The following TMEM131 variants were observed in gnomAD, a reference collection of about 807,000 sequenced individuals.
The protein encoded by TMEM131 is 2610524E03Rik.
In TMEM131, 66 loss-of-function variants were observed where a neutral mutation model predicts 211.6. The observed-to-expected ratio is 0.31, with a 90% CI of 0.26 to 0.38. The LOEUF is 0.38. TMEM131 is among the 10% of genes least tolerant of loss of function. The probability of loss-of-function intolerance (pLI) is 1.00; values close to 1 mark genes in which losing one functional copy is unlikely to be tolerated. For missense variants in TMEM131, 2,036 were observed against 2,299.3 expected (o/e 0.89, Z 2.34); for synonymous variants, 844 against 841.3 (o/e 1.00, Z -0.06).
rs910970224 is a variant in TMEM131 at position 97,995,942 on chromosome 2, C to A, written c.-280G>T. 5.4e-6 allele frequency: 1 copy of A among 186,736 alleles called. No homozygotes were observed. The highest frequency in any genetic ancestry group is 1.1e-5 in the Non-Finnish European group (1 of 91,118). The allele number at this position is 186,736 out of a possible 1,614,324, so 11.6% of individuals were successfully genotyped here. On this transcript the variant is annotated 5_prime_UTR_variant, in exon 1 of 41. Transcript: ENST00000186436. The stretch of plus-strand genomic sequence containing the variant: ...GGCCATACTGGAAACGGGCACGGCC[C>A]GCGAGCCCTGAGCGCTGGCCTGCGA...
intron 11 of TMEM131, among the ~76,000 whole-genome samples, chr2:97,828,078 G>A (rs1682485128): frequency 6.6e-6 from 1 of 152,186 alleles, no homozygotes. Flanking sequence ...ACTGTGCTGT[G>A]AAAGATTACA....
At chr2:97,838,975 C>T (rs1429204764) in intron 7 of TMEM131, among the ~76,000 whole-genome samples, 1 of 152,102 alleles carries the variant, frequency 6.6e-6, no homozygotes, top group Non-Finnish European at 1.5e-5. Context: ...AAACATCACA[C>T]ATTATTTCAT....
rs2105069535 is a variant in TMEM131 at position 97,834,912 on chromosome 2, T to C, written c.818A>G (p.Tyr273Cys). 3.1e-6 allele frequency: 5 copies of C among 1,613,656 alleles called. No homozygotes were observed. The highest frequency in any genetic ancestry group is 4.2e-6 in the Non-Finnish European group (5 of 1,179,774). The change falls in exon 9 of 41, where the codon TAT becomes TGT. Residue 273 changes from tyrosine to cysteine, a missense_variant. By Grantham distance (194) the Tyr-to-Cys change is radical. Around this residue, in one of 3 missense-constraint regions of TMEM131, gnomAD observed 277 missense variants for 378.0 expected, o/e 0.73. Coordinates refer to ENST00000186436, the MANE Select transcript of TMEM131 (RefSeq NM_015348.2). ...GTRKLWEIPP[Y>C]ETKGVMRASF... The stretch of plus-strand genomic sequence containing the variant: ...GGCTCTCATCACTCCCTTGGTTTCA[T>C]AAGGAGGAATTTCCTGACAAGTTAA...
chr2:97,891,157 T>G (rs1675359507), intron 3 of TMEM131, among the ~76,000 whole-genome samples: 1 of 152,340 alleles, frequency 6.6e-6, no homozygotes, highest in South Asian at 2.1e-4. Flanking sequence ...AGAAAGCAAA[T>G]GTCTGCAAAT....
intron 11 of TMEM131, among the ~76,000 whole-genome samples, chr2:97,824,590 A>G (rs1023854977): frequency 2.6e-5 from 4 of 152,180 alleles, no homozygotes; most frequent in African/African-American, 9.7e-5. Flanking sequence ...TGGAGCTATT[A>G]CCTACATGAA....
intron 1 of TMEM131, among the ~76,000 whole-genome samples, chr2:97,978,944 A>T (rs916126317): frequency 2.6e-5 from 4 of 152,204 alleles, no homozygotes; most frequent in African/African-American, 9.6e-5. Flanking sequence ...GTATTTTTAA[A>T]ATAAGACATG....
intron 1 of TMEM131, among the ~76,000 whole-genome samples, chr2:97,948,286 T>G (rs1678139103): frequency 6.6e-6 from 1 of 152,148 alleles, no homozygotes; most frequent in Non-Finnish European, 1.5e-5. Context: ...AAATAATATT[T>G]GCAAAATGCT....
intron 1 of TMEM131, among the ~76,000 whole-genome samples, chr2:97,959,902 A>T (rs1042292155): frequency 6.6e-6 from 1 of 152,256 alleles, no homozygotes; most frequent in Non-Finnish European, 1.5e-5. Context: ...GTCTTTCATG[A>T]CATAATTTTT....
chr2:97,792,960 G>T lies in TMEM131; in HGVS notation c.3570C>A (p.Pro1190=). The change falls in exon 31 of 41, where the codon CCC becomes CCA. Residue 1190 remains proline, a synonymous_variant. Coordinates refer to ENST00000186436, the MANE Select transcript of TMEM131 (RefSeq NM_015348.2). ...EGNLNTLSCD[P]GHSRGFCGAG... ...CTCCACAGAACCCCCTACTGTGACC[G>T]GGGTCACAGCTGAGTGTGTTCAAGC... The T allele has an allele frequency of 1.3e-6, 2 of 1,595,394 alleles. No homozygotes were observed. Among genetic ancestry groups the T allele is most frequent in the East Asian group, 2.2e-5 (1 of 44,454 alleles).
rs781779948 is a variant in TMEM131, at chr2:97,834,758, A to C, written c.955+17T>G. The C allele has an allele frequency of 9.3e-6, 15 of 1,610,086 alleles. No homozygotes were observed. The highest frequency in any genetic ancestry group is 1.1e-5 in the Non-Finnish European group (13 of 1,178,712). Reference sequence around the variant, plus strand: ...TGAAAACAAAACAACTTTCGATTTCATCAGTTTTCCACTAACCTGTTGTAA... The same window carrying C: ...TGAAAACAAAACAACTTTCGATTTCCTCAGTTTTCCACTAACCTGTTGTAA... On this transcript the variant is annotated intron_variant, in intron 9 of 40. Coordinates refer to ENST00000186436, the MANE Select transcript of TMEM131 (RefSeq NM_015348.2).
At chr2:97,828,494 C>T (rs1682505203) in intron 11 of TMEM131, among the ~76,000 whole-genome samples, 1 of 152,188 alleles carries the variant, frequency 6.6e-6, no homozygotes, top group East Asian at 1.9e-4. Context: ...GCCACTGCTA[C>T]AGGAACCAGA....
chr2:97,821,487 A>G (rs1302552604), intron 11 of TMEM131, among the ~76,000 whole-genome samples: 1 of 152,150 alleles, frequency 6.6e-6, no homozygotes, highest in East Asian at 1.9e-4. Flanking sequence ...CACTCTTCAC[A>G]ATAAATCTTG....
rs887811153 is a variant in TMEM131 at position 97,760,425 on chromosome 2, G to A, written c.5108+168C>T. On this transcript the variant is annotated intron_variant, in intron 38 of 40. Transcript: ENST00000186436. ...GGGAAGGCACCGCAGCCGGCTTTCT[G>A]CTTCCACCCAGCAGACATGATTTCT... The A allele has an allele frequency of 1.9e-5, 13 of 673,308 alleles. 1 individual carries two copies. Among genetic ancestry groups the A allele is most frequent in the Admixed American group, 1.4e-4 (5 of 36,148 alleles). The allele number at this position is 673,308 out of a possible 1,614,324, so 41.7% of individuals were successfully genotyped here. A position where few individuals can be genotyped will look rare whatever the true frequency, so the allele number is the denominator to read the frequency against.
chr2:97,786,898 CTG>C (rs1680274708), intron 31 of TMEM131, among the ~76,000 whole-genome samples: 1 of 152,230 alleles, frequency 6.6e-6, no homozygotes, highest in South Asian at 2.1e-4. Context: ...TGCCAGCAAA[CTG>C]TTTTTTCCAG....
rs948690150 is a variant in TMEM131 at position 97,756,569 on chromosome 2, T to C, written c.*530A>G. ...GTTCTTAAGTTGACTTACATTTCTG[T>C]AATCTGCTTTTAAACCAAGACAGCC... On this transcript the variant is annotated 3_prime_UTR_variant, in exon 41 of 41. Transcript: ENST00000186436. 2 of 152,332 alleles carry C rather than the reference T, an allele frequency of 1.3e-5. No individual in the cohort carries two copies. Among genetic ancestry groups the C allele is most frequent in the Non-Finnish European group, 2.9e-5 (2 of 68,110 alleles). 9.4% of individuals were successfully genotyped at this position (152,332 alleles called of 1,614,324 possible). A position where few individuals can be genotyped will look rare whatever the true frequency, so the allele number is the denominator to read the frequency against.
Position 97,840,483 on chromosome 2 carries a change from G to A in TMEM131, c.723+1332C>T, listed in dbSNP as rs550803127. 2.6e-5 allele frequency among the ~76,000 whole-genome samples: 4 copies of A among 152,310 alleles called. No individual in the cohort carries two copies. The South Asian group carries it at 8.3e-4, about 32-fold the overall frequency. On this transcript the variant is annotated intron_variant, in intron 7 of 40. Transcript: ENST00000186436. ...CACATGCCTGTCATCTCGGCACTTT[G>A]GGAAGCTAAGGCAGGAGGATTGCTT...
chr2:97,827,683 C>T, intron 11 of TMEM131: 2 of 956,812 alleles, frequency 2.1e-6, no homozygotes, highest in Admixed American at 4.1e-5. Flanking sequence ...GGAGGGAATC[C>T]CACCTCATCC....
chr2:97,931,040 T>G (rs1677198186), intron 1 of TMEM131, among the ~76,000 whole-genome samples: 1 of 151,912 alleles, frequency 6.6e-6, no homozygotes, highest in Non-Finnish European at 1.5e-5. Flanking sequence ...TGTGAATCTG[T>G]GCTTCTAAAC....
intron 1 of TMEM131, among the ~76,000 whole-genome samples, chr2:97,980,493 C>A (rs947931616): frequency 2.6e-5 from 4 of 152,198 alleles, no homozygotes; most frequent in African/African-American, 9.7e-5. Flanking sequence ...TAAAATGGTA[C>A]AGCCGCTTTG....
Sources: allele counts gnomAD v4.1 joint callset (sites outside exome capture counted in the v4.1 genomes callset), GRCh38; gene constraint gnomAD v4.1.1; regional missense constraint gnomAD v4.1.1; transcripts MANE v1.5; gene names NCBI Gene and HGNC (gene_info 2026-07-23, HGNC 2026-07-21).